Variants in CTNNAL1 observed in about 807,000 individuals in gnomAD.
CTNNAL1 encodes the protein catenin alpha like 1.
Under a neutral mutation model 93.6 loss-of-function variants are expected in CTNNAL1, and 69 were observed. The observed-to-expected ratio is 0.74, with a 90% CI of 0.61 to 0.90. The LOEUF (loss-of-function observed/expected upper bound fraction) is 0.90, where lower values mean the gene tolerates loss of function less well. Among genes scored for constraint, CTNNAL1 ranks in the 40% least tolerant of loss-of-function variants. The probability of loss-of-function intolerance (pLI) is 0.00; values close to 1 mark genes in which losing one functional copy is unlikely to be tolerated. For synonymous variants in CTNNAL1, 286 were observed against 305.4 expected (o/e 0.94, Z 0.66); for missense variants, 836 against 862.0 (o/e 0.97, Z 0.38).
intron 9 of CTNNAL1, 123 bp downstream of exon 9, chr9:108,972,552 A>G (rs1831143479): frequency 1.2e-6 from 1 of 833,716 alleles, no homozygotes; most frequent in South Asian, 1.7e-5. Context: ...TGCTTTTAAG[A>G]TGCCAAAGGA....
chr9:109,000,783 T>G (rs1826785527), intron 1 of CTNNAL1, among the ~76,000 whole-genome samples: 1 of 150,086 alleles, frequency 6.7e-6, no homozygotes, highest in African/African-American at 2.5e-5. Flanking sequence ...TAAAGGATAG[T>G]GGGTCGGGGG....
intron 12 of CTNNAL1, among the ~76,000 whole-genome samples, chr9:108,953,534 CAT>C (rs949987801): frequency 1.9e-4 from 28 of 145,728 alleles, no homozygotes; most frequent in African/African-American, 5.6e-4. Context: ...ACAAAACACT[CAT>C]GTGTACACTT....
At chr9:108,961,168 T>G (rs978323854) in intron 11 of CTNNAL1, among the ~76,000 whole-genome samples, 5 of 152,170 alleles carry the variant, frequency 3.3e-5, no homozygotes, top group African/African-American at 1.2e-4. Context: ...TTTTCAACAA[T>G]AGTCATAACA....
intron 2 of CTNNAL1, among the ~76,000 whole-genome samples, chr9:108,993,452 C>A (rs150952841): frequency 2.3e-3 from 351 of 152,290 alleles, no homozygotes; most frequent in Non-Finnish European, 4.4e-3. Flanking sequence ...AAAACAAAAG[C>A]CTCCCTCCTG....
In CTNNAL1 at chr9:108,995,437, C is replaced by G. The variant is rs1299339233; in HGVS notation, c.332-2618G>C. ...GCATTTAACTCATAAGTACGTGGGA[C>G]AGTAACATTTGGTTGGCTCCACCAA... On this transcript the variant is annotated intron_variant, in intron 2 of 18. Coordinates refer to ENST00000325551, the MANE Select transcript of CTNNAL1 (RefSeq NM_003798.4). Among the ~76,000 whole-genome samples, 3 of 152,184 alleles carry G rather than the reference C, an allele frequency of 2.0e-5. No individual in the cohort carries two copies. In the East Asian group the frequency reaches 5.8e-4, roughly 29 times the overall value.
intron 11 of CTNNAL1, among the ~76,000 whole-genome samples, chr9:108,957,969 T>G (rs1830723973): frequency 6.6e-6 from 1 of 150,876 alleles, no homozygotes; most frequent in Non-Finnish European, 1.5e-5. Flanking sequence ...AATACAAAAA[T>G]TAGCCAGGCG....
chr9:108,978,424 C>A (rs1358144668), intron 7 of CTNNAL1, among the ~76,000 whole-genome samples: 1 of 151,886 alleles, frequency 6.6e-6, no homozygotes, highest in Non-Finnish European at 1.5e-5. Flanking sequence ...GCCATATCCA[C>A]CCTCCTTCAT....
chr9:108,967,913 T>G (rs12000247), intron 10 of CTNNAL1, among the ~76,000 whole-genome samples: 9,095 of 152,284 alleles, frequency 0.06, 923 homozygotes, highest in African/African-American at 0.21. Context: ...ATATTAATAG[T>G]TGGTACCTTT....
At chr9:109,011,890 A>T (rs180869628) in intron 1 of CTNNAL1, among the ~76,000 whole-genome samples, 1 of 152,378 alleles carries the variant, frequency 6.6e-6, no homozygotes, top group Non-Finnish European at 1.5e-5. Flanking sequence ...TATTTAAAAA[A>T]TGGATAAAAT....
chr9:108,979,186 C>T, intron 7 of CTNNAL1, 95 bp downstream of exon 7: 2 of 1,468,412 alleles, frequency 1.4e-6, no homozygotes, highest in Non-Finnish European at 1.8e-6. Context: ...GGAACAAATT[C>T]ATACTCCTGG....
At position 108,999,999 on chromosome 9, in the gene CTNNAL1, T is replaced by C. The variant is rs147353059; in HGVS notation, c.142-743A>G. On this transcript the variant is annotated intron_variant, in intron 1 of 18. Coordinates refer to ENST00000325551, the MANE Select transcript of CTNNAL1 (RefSeq NM_003798.4). ...ATGAAAAACATAGATTCCCAACTATTGCTCAATGTACATGTACTAGTATTA... is the reference window on the plus strand; with the variant it reads ...ATGAAAAACATAGATTCCCAACTATCGCTCAATGTACATGTACTAGTATTA... Among the ~76,000 whole-genome samples the C allele has an allele frequency of 3.3e-5, 5 of 152,316 alleles. No individual in the cohort carries two copies. The East Asian group carries it at 9.6e-4, about 29-fold the overall frequency.
At chr9:108,994,984 G>A (rs1831961229) in intron 2 of CTNNAL1, among the ~76,000 whole-genome samples, 1 of 152,204 alleles carries the variant, frequency 6.6e-6, no homozygotes, top group Non-Finnish European at 1.5e-5. Context: ...GTGCACTCAA[G>A]CTTCCAGGTA....
At position 109,004,802 on chromosome 9, in the gene CTNNAL1, T is replaced by TA. The variant is rs575729993; in HGVS notation, c.142-5547dup. ...CTCTGTCTTGAAAAAAATAAATAAA[T>TA]AAATAAATAAATAAGAAGAGTTAAT... is the stretch of plus-strand genomic sequence containing the variant. On this transcript the variant is annotated intron_variant, in intron 1 of 18. Coordinates refer to ENST00000325551, the MANE Select transcript of CTNNAL1 (RefSeq NM_003798.4). 6.7e-4 allele frequency among the ~76,000 whole-genome samples: 102 copies of TA among 151,674 alleles called. 3 individuals carry two copies. In the South Asian group the frequency reaches 0.02, roughly 29 times the overall value.
At chr9:108,959,423 T>G (rs993144293) in intron 11 of CTNNAL1, among the ~76,000 whole-genome samples, 1 of 136,432 alleles carries the variant, frequency 7.3e-6, no homozygotes, top group East Asian at 2.2e-4. Context: ...CTCCCATCTC[T>G]GGGGGAAAAA....
At chr9:108,955,290 A>G (rs1368598714) in intron 12 of CTNNAL1, among the ~76,000 whole-genome samples, 2 of 152,074 alleles carry the variant, frequency 1.3e-5, no homozygotes, top group East Asian at 3.8e-4. Flanking sequence ...CCAGCCCACA[A>G]TTTCCAATAT....
chr9:108,948,165 T>C (rs1180981534), intron 15 of CTNNAL1, 21 bp downstream of exon 15: 1 of 1,609,390 alleles, frequency 6.2e-7, no homozygotes, highest in Non-Finnish European at 8.5e-7. Context: ...AGTACTAGCA[T>C]AAAACGGAAA....
intron 9 of CTNNAL1, among the ~76,000 whole-genome samples, chr9:108,971,513 T>C (rs1408276046): frequency 2.6e-5 from 4 of 152,182 alleles, no homozygotes; most frequent in Admixed American, 2.0e-4. Flanking sequence ...GTTTCCTCCA[T>C]ACTGTTCTTG....
intron 12 of CTNNAL1, 134 bp downstream of exon 12, chr9:108,955,656 A>C (rs1178461785): frequency 1.3e-6 from 1 of 770,566 alleles, no homozygotes; most frequent in Non-Finnish European, 2.2e-6. Flanking sequence ...ACAACTCTGA[A>C]GTCAACATTA....
chr9:108,951,516 G>C (rs1389686702), intron 14 of CTNNAL1, among the ~76,000 whole-genome samples: 1 of 152,164 alleles, frequency 6.6e-6, no homozygotes, highest in Non-Finnish European at 1.5e-5. Flanking sequence ...AAATGAAAAA[G>C]ATAGATTTCA....
Sources: gnomAD v4.1 joint callset for allele counts (sites outside exome capture counted in the v4.1 genomes callset) on GRCh38, gnomAD v4.1.1 for gene constraint, MANE v1.5 for transcripts, NCBI Gene and HGNC (gene_info 2026-07-23, HGNC 2026-07-21) for gene names.